Variants in CNTN3 observed in about 807,000 individuals in gnomAD.
CNTN3 encodes the protein contactin 3.
CNTN3 carries 60 observed loss-of-function variants against 119.1 expected under a neutral mutation model. That is an observed-to-expected ratio of 0.50 (90% CI 0.41 to 0.62). CNTN3 has a LOEUF of 0.62. CNTN3 is among the 20% of genes least tolerant of loss of function. The pLI is 0.00. For missense variants in CNTN3, 1,101 were observed against 1,242.4 expected, an observed-to-expected ratio of 0.89 and a Z score of 1.71; for synonymous variants, 450 against 438.7, an observed-to-expected ratio of 1.03 and a Z score of -0.32.
intron 5 of CNTN3, among the ~76,000 whole-genome samples, chr3:74,417,265 T>C (rs1001812770): frequency 3.9e-5 from 6 of 152,178 alleles, no homozygotes; most frequent in African/African-American, 1.2e-4. Flanking sequence ...TTCCTATCTA[T>C]CTTCCTATTT....
chr3:74,471,838 G>A (rs979190000), intron 4 of CNTN3, among the ~76,000 whole-genome samples: 1 of 152,186 alleles, frequency 6.6e-6, no homozygotes, highest in Non-Finnish European at 1.5e-5. Context: ...GTCCCAGTTT[G>A]TATGTATTTG....
At chr3:74,276,130 T>C (rs1211130790) in intron 20 of CNTN3, among the ~76,000 whole-genome samples, 3 of 152,070 alleles carry the variant, frequency 2.0e-5, no homozygotes, top group African/African-American at 7.2e-5. Context: ...ACACTGGAGC[T>C]CCCAAATTTA....
chr3:74,418,636 C>T (rs1476747924), intron 5 of CNTN3, among the ~76,000 whole-genome samples: 2 of 150,352 alleles, frequency 1.3e-5, no homozygotes, highest in Non-Finnish European at 3.0e-5. Context: ...CCACCGTGCC[C>T]AGCTAGAAAG....
chr3:74,523,415 A>G (rs1703571993), intron 1 of CNTN3, among the ~76,000 whole-genome samples: 1 of 151,930 alleles, frequency 6.6e-6, no homozygotes. Context: ...TGATACATAT[A>G]TATGTCTAAG....
intron 4 of CNTN3, among the ~76,000 whole-genome samples, chr3:74,467,080 TATA>T (rs1702475063): frequency 6.6e-6 from 1 of 152,250 alleles, no homozygotes; most frequent in Non-Finnish European, 1.5e-5. Context: ...TTATAGCAAA[TATA>T]ATTTTTTTCA....
intron 1 of CNTN3, among the ~76,000 whole-genome samples, chr3:74,600,006 C>A (rs1244481936): frequency 6.6e-6 from 1 of 151,910 alleles, no homozygotes; most frequent in Non-Finnish European, 1.5e-5. Context: ...AAATGTAGGG[C>A]AATGAAAAGG....
At chr3:74,421,454 C>G (rs1006875192) in intron 5 of CNTN3, among the ~76,000 whole-genome samples, 1 of 152,158 alleles carries the variant, frequency 6.6e-6, no homozygotes, top group South Asian at 2.1e-4. Flanking sequence ...CAGGCATGAG[C>G]CATTGTGCCC....
At chr3:74,445,402 A>G (rs1396099392) in intron 4 of CNTN3, among the ~76,000 whole-genome samples, 2 of 152,044 alleles carry the variant, frequency 1.3e-5, no homozygotes, top group African/African-American at 4.8e-5. Context: ...AGCTGGGATT[A>G]CAGGTGCCTG....
At chr3:74,529,343 A>C (rs1703662196) in intron 1 of CNTN3, among the ~76,000 whole-genome samples, 1 of 151,936 alleles carries the variant, frequency 6.6e-6, no homozygotes, top group Admixed American at 6.6e-5. Flanking sequence ...TTTTGTTTGC[A>C]TAGTCACTAC....
intron 4 of CNTN3, among the ~76,000 whole-genome samples, chr3:74,427,536 T>G (rs1299273843): frequency 6.6e-6 from 1 of 152,188 alleles, no homozygotes; most frequent in Non-Finnish European, 1.5e-5. Flanking sequence ...AGTGGAAGAT[T>G]ATATGTGCCA....
intron 1 of CNTN3, among the ~76,000 whole-genome samples, chr3:74,550,947 T>C (rs1703981219): frequency 6.6e-6 from 1 of 152,156 alleles, no homozygotes. Context: ...CATGGTCTCT[T>C]CACTTAGCAA....
chr3:74,569,789 G>A (rs1351349321), intron 1 of CNTN3, among the ~76,000 whole-genome samples: 1 of 152,122 alleles, frequency 6.6e-6, no homozygotes, highest in Non-Finnish European at 1.5e-5. Flanking sequence ...TGACATCAAG[G>A]TGTCATCTGG....
intron 10 of CNTN3, 59 bp downstream of exon 10, chr3:74,364,408 G>A (rs939802696): frequency 1.8e-5 from 27 of 1,523,110 alleles, no homozygotes; most frequent in African/African-American, 2.8e-5. Context: ...ACTGCTTCTG[G>A]AAACAATGAA....
At chr3:74,306,214 C>CAAAAAAAAAAAAAAAAAAAAAAAAAAAT in intron 13 of CNTN3, among the ~76,000 whole-genome samples, 1 of 84,208 alleles carries the variant, frequency 1.2e-5, no homozygotes, top group Non-Finnish European at 2.5e-5. Context: ...GAGAAATGTC[C>CAAAAAAAAAAAAAAAAAAAAAAAAAAAT]AAAAAAAAAA....
chr3:74,519,377 A>G (rs1201910902), intron 2 of CNTN3, among the ~76,000 whole-genome samples: 1 of 151,838 alleles, frequency 6.6e-6, no homozygotes, highest in African/African-American at 2.4e-5. Context: ...ATTTGTTCGT[A>G]AATATGTAAA....
intron 4 of CNTN3, among the ~76,000 whole-genome samples, chr3:74,480,955 C>T (rs534604337): frequency 5.3e-5 from 8 of 151,022 alleles, no homozygotes; most frequent in South Asian, 4.2e-4. Context: ...AACCAATCCA[C>T]GTGAAAGGAA....
chr3:74,399,069 C>A (rs1705124964), intron 5 of CNTN3, among the ~76,000 whole-genome samples: 1 of 152,068 alleles, frequency 6.6e-6, no homozygotes, highest in South Asian at 2.1e-4. Context: ...TGACTATAGT[C>A]ATCCTACAAT....
At chr3:74,430,980 A>G (rs1169292877) in intron 4 of CNTN3, among the ~76,000 whole-genome samples, 1 of 152,078 alleles carries the variant, frequency 6.6e-6, no homozygotes, top group African/African-American at 2.4e-5. Context: ...CAGCCACAAC[A>G]TGGGGCCAGT....
chr3:74,544,666 T>G (rs1056220079), intron 1 of CNTN3, among the ~76,000 whole-genome samples: 1 of 152,176 alleles, frequency 6.6e-6, no homozygotes, highest in East Asian at 1.9e-4. Flanking sequence ...TGGCGCGATA[T>G]CAGCTCAAGG....
Sources: gnomAD v4.1 joint callset for allele counts (sites outside exome capture counted in the v4.1 genomes callset) on GRCh38, gnomAD v4.1.1 for gene constraint, MANE v1.5 for transcripts, NCBI Gene and HGNC (gene_info 2026-07-23, HGNC 2026-07-21) for gene names.